Variants in NEK9 observed in about 807,000 individuals in gnomAD.
The protein encoded by NEK9 is NIMA related kinase 9.
Under a neutral mutation model 123.4 loss-of-function variants are expected in NEK9, and 75 were observed. The observed-to-expected ratio is 0.61, with a 90% CI of 0.50 to 0.74. The LOEUF is 0.74. Among genes scored for constraint, NEK9 ranks in the 30% least tolerant of loss-of-function variants. NEK9 has a pLI of 0.00. For synonymous variants in NEK9, 438 were observed against 458.7 expected (o/e 0.95, Z 0.58); for missense variants, 952 against 1,214.4 (o/e 0.78, Z 3.21).
intron 11 of NEK9, 71 bp from the exon 12 acceptor site, chr14:75,106,773 G>T: frequency 1.6e-6 from 2 of 1,250,802 alleles, no homozygotes; most frequent in Non-Finnish European, 2.3e-6. Context: ...GTTGGGCAGG[G>T]CTGGAATGAG....
At chr14:75,094,327 C>T (rs566398411) in intron 18 of NEK9, among the ~76,000 whole-genome samples, 35 of 152,172 alleles carry the variant, frequency 2.3e-4, no homozygotes, top group African/African-American at 7.7e-4. Flanking sequence ...TTGCCCAGGC[C>T]GGATTGCAGT....
In NEK9 at chr14:75,106,869, A is replaced by G. The variant is rs1018049715; in HGVS notation, c.1328-167T>C. On this transcript the variant is annotated intron_variant, in intron 11 of 21. Coordinates refer to ENST00000238616, the MANE Select transcript of NEK9 (RefSeq NM_033116.6). ...CTGTGCAAGTCTAGAGTTCTATGTCAGAGAGTCATGTGTACTACTACTACT... is the reference window on the plus strand; with the variant it reads ...CTGTGCAAGTCTAGAGTTCTATGTCGGAGAGTCATGTGTACTACTACTACT... Among the ~76,000 whole-genome samples the G allele has an allele frequency of 6.6e-5, 10 of 152,360 alleles. No individual in the cohort carries two copies. In the East Asian group the frequency reaches 1.9e-3, roughly 29 times the overall value.
intron 14 of NEK9, 112 bp downstream of exon 14, chr14:75,103,730 G>C: frequency 8.5e-7 from 1 of 1,177,328 alleles, no homozygotes; most frequent in Non-Finnish European, 1.2e-6. Flanking sequence ...ATGCCTATGA[G>C]ACCATAACTA....
chr14:75,086,117 C>T (rs752413147), intron 21 of NEK9, among the ~76,000 whole-genome samples: 34 of 149,122 alleles, frequency 2.3e-4, no homozygotes, highest in Non-Finnish European at 3.4e-4. Context: ...TGAACCCGGG[C>T]GGTGGAGGTT....
At chr14:75,100,325 A>G (rs1460406608) in intron 16 of NEK9, among the ~76,000 whole-genome samples, 2 of 151,912 alleles carry the variant, frequency 1.3e-5, no homozygotes, top group Non-Finnish European at 2.9e-5. Context: ...GCATGCCTGT[A>G]ATCCCAGCTA....
intron 21 of NEK9, chr14:75,084,916 GTT>G (rs1276167248): frequency 2.3e-6 from 1 of 431,868 alleles, no homozygotes; most frequent in Non-Finnish European, 4.2e-6. Context: ...GGACTGCGGG[GTT>G]TCCTGGGATG....
At chr14:75,102,638 C>G (rs1056675993) in intron 14 of NEK9, among the ~76,000 whole-genome samples, 2 of 152,188 alleles carry the variant, frequency 1.3e-5, no homozygotes, top group Non-Finnish European at 2.9e-5. Context: ...AGGCGTGAGC[C>G]ACCGTGCCCG....
chr14:75,090,004 G>A (rs1894160356), intron 19 of NEK9, among the ~76,000 whole-genome samples: 1 of 151,028 alleles, frequency 6.6e-6, no homozygotes, highest in Non-Finnish European at 1.5e-5. Context: ...GCTAATTTTT[G>A]TATTTTTAGT....
intron 10 of NEK9, among the ~76,000 whole-genome samples, chr14:75,108,281 C>A (rs142239233): frequency 2.1e-3 from 326 of 152,056 alleles, no homozygotes; most frequent in African/African-American, 7.6e-3. Context: ...CCCGCCACCA[C>A]GCCTGGCTAA....
Position 75,127,019 on chromosome 14 carries a change from C to G in NEK9, c.-98G>C. On this transcript the variant is annotated 5_prime_UTR_variant, in exon 1 of 22. Transcript: ENST00000238616. ...TTCAGATGCCGGCCCGCGGATCCGTCAGCCCAGCAACCCCGCGAAGCTCGA... is the reference window on the plus strand; with the variant it reads ...TTCAGATGCCGGCCCGCGGATCCGTGAGCCCAGCAACCCCGCGAAGCTCGA... The G allele has an allele frequency of 9.7e-7, 1 of 1,034,846 alleles. No homozygotes were observed. Among genetic ancestry groups the G allele is most frequent in the Non-Finnish European group, 1.3e-6 (1 of 747,968 alleles). The allele number at this position is 1,034,846 out of a possible 1,614,324, so 64.1% of individuals were successfully genotyped here.
intron 21 of NEK9, 167 bp from the exon 22 acceptor site, chr14:75,084,853 C>A: frequency 1.3e-6 from 1 of 757,632 alleles, no homozygotes; most frequent in Non-Finnish European, 2.1e-6. Flanking sequence ...TAGATACAGT[C>A]CATACCTTTA....
intron 11 of NEK9, 65 bp from the exon 12 acceptor site, chr14:75,106,767 G>A (rs1894791905): frequency 7.3e-7 from 1 of 1,363,920 alleles, no homozygotes; most frequent in Non-Finnish European, 1.0e-6. Context: ...CAGAAAGTTG[G>A]GCAGGGCTGG....
At chr14:75,101,386 A>C (rs1450624626) in intron 15 of NEK9, among the ~76,000 whole-genome samples, 1 of 152,264 alleles carries the variant, frequency 6.6e-6, no homozygotes, top group African/African-American at 2.4e-5. Flanking sequence ...TGTAGTGAGA[A>C]AAATGAGTAC....
At chr14:75,121,814 G>A (rs2139808235) in intron 2 of NEK9, among the ~76,000 whole-genome samples, 1 of 152,318 alleles carries the variant, frequency 6.6e-6, no homozygotes, top group African/African-American at 2.4e-5. Context: ...AGGTTGCAGT[G>A]AGCTGGGATC....
chr14:75,089,878 T>C (rs1894154964), intron 19 of NEK9, among the ~76,000 whole-genome samples: 1 of 152,046 alleles, frequency 6.6e-6, no homozygotes, highest in Non-Finnish European at 1.5e-5. Context: ...TTTGTATTTT[T>C]AATAGAGATG....
intron 9 of NEK9, 97 bp downstream of exon 9, chr14:75,110,224 C>A: frequency 1.1e-6 from 1 of 920,946 alleles, no homozygotes; most frequent in Admixed American, 2.3e-5. Flanking sequence ...GAAAGGATGC[C>A]AAAGTATCCT....
At chr14:75,087,286 A>G in intron 20 of NEK9, 56 bp from the exon 21 acceptor site, 2 of 1,354,002 alleles carry the variant, frequency 1.5e-6, no homozygotes, top group Non-Finnish European at 2.1e-6. Flanking sequence ...ATAGCTCCTC[A>G]ATCCAAACTT....
intron 4 of NEK9, among the ~76,000 whole-genome samples, chr14:75,119,304 C>T (rs1356605385): frequency 6.6e-6 from 1 of 151,734 alleles, no homozygotes; most frequent in African/African-American, 2.4e-5. Flanking sequence ...CAGGGTGAGA[C>T]CCTGTCTCAA....
Position 75,094,848 on chromosome 14 carries a change from G to A in NEK9, c.2233+524C>T, listed in dbSNP as rs191788679. On this transcript the variant is annotated intron_variant, in intron 18 of 21. Coordinates refer to ENST00000238616, the MANE Select transcript of NEK9 (RefSeq NM_033116.6). ...GACATCAAAGACTACAGGGACTCTA[G>A]CAGGTAGAAAACCAAAAAGGAAAAT... Among the ~76,000 whole-genome samples, 18 of 152,246 alleles carry A rather than the reference G, an allele frequency of 1.2e-4. No individual in the cohort carries two copies. The East Asian group carries it at 3.5e-3, about 29-fold the overall frequency.
Sources: allele counts gnomAD v4.1 joint callset (sites outside exome capture counted in the v4.1 genomes callset), GRCh38; gene constraint gnomAD v4.1.1; transcripts MANE v1.5; gene names NCBI Gene and HGNC (gene_info 2026-07-23, HGNC 2026-07-21).